FOXP4: variants seen among roughly 807,000 people sequenced by gnomAD.
FOXP4 encodes the protein forkhead box P4.
A neutral mutation model predicts 82.6 loss-of-function variants in FOXP4; 25 were observed. The ratio of observed to expected loss-of-function variants is 0.30; its 90% CI spans 0.22 to 0.42. FOXP4 has a LOEUF of 0.42. FOXP4 is among the 10% of genes least tolerant of loss of function. The pLI is 1.00. For synonymous variants in FOXP4, 415 were observed against 388.2 expected, an observed-to-expected ratio of 1.07 and a Z score of -0.81; for missense variants, 785 against 900.9, an observed-to-expected ratio of 0.87 and a Z score of 1.65.
chr6:41,546,552 TG>T lies in FOXP4; in HGVS notation c.-329del, dbSNP rs1436545944. The T allele has an allele frequency of 6.8e-6, 1 of 147,786 alleles. No individual in the cohort carries two copies. Among genetic ancestry groups the T allele is most frequent in the Non-Finnish European group, 1.5e-5 (1 of 66,146 alleles). 9.2% of individuals were successfully genotyped at this position (147,786 alleles called of 1,614,324 possible). ...GAGGAGCCCGGGCCGGAACCAGGGCTGGGCCGGGGGCGGGGACGCCGGGGTC... is the reference window on the plus strand; with the variant it reads ...GAGGAGCCCGGGCCGGAACCAGGGCTGGCCGGGGGCGGGGACGCCGGGGTC... On this transcript the variant is annotated 5_prime_UTR_variant, in exon 1 of 17. Coordinates refer to ENST00000307972, the MANE Select transcript of FOXP4 (RefSeq NM_001012426.2).
intron 4 of FOXP4, 142 bp downstream of exon 4, chr6:41,585,033 G>A (rs1291526743): frequency 2.4e-6 from 3 of 1,226,860 alleles, no homozygotes; most frequent in Admixed American, 5.8e-5. Context: ...ATTCCTCTAG[G>A]GTAGTGGGGA....
At chr6:41,586,463 G>A (rs960489089) in intron 5 of FOXP4, among the ~76,000 whole-genome samples, 3 of 152,200 alleles carry the variant, frequency 2.0e-5, no homozygotes, top group African/African-American at 7.2e-5. Flanking sequence ...GGGCGCCTGG[G>A]CAGTGGTGAT....
intron 16 of FOXP4, among the ~76,000 whole-genome samples, 159 bp downstream of exon 16, chr6:41,598,109 C>T (rs1281236940): frequency 1.3e-5 from 2 of 151,510 alleles, no homozygotes; most frequent in African/African-American, 2.4e-5. Context: ...CCTCTCAGCC[C>T]TCCCTTGTCC....
chr6:41,552,059 G>A (rs537290468), intron 1 of FOXP4, among the ~76,000 whole-genome samples: 1 of 152,282 alleles, frequency 6.6e-6, no homozygotes, highest in African/African-American at 2.4e-5. Flanking sequence ...GGGCCTCCCC[G>A]TGTGAAATGA....
rs199720815 is a variant in FOXP4 at position 41,584,808 on chromosome 6, A to G, written c.340A>G (p.Thr114Ala). 8.7e-6 allele frequency: 14 copies of G among 1,603,984 alleles called. No homozygotes were observed. In the East Asian group the frequency reaches 2.5e-4, roughly 28 times the overall value. ...SVAMMSPQML[T>A]PQQMQQILSP... ...GGCCATGATGTCGCCGCAGATGCTT[A>G]CCCCGCAACAGATGCAGCAGATCCT... The change falls in exon 4 of 17, where the codon ACC becomes GCC. Residue 114 changes from threonine (T) to alanine (A), a missense_variant. Coordinates refer to ENST00000307972, the MANE Select transcript of FOXP4 (RefSeq NM_001012426.2).
intron 3 of FOXP4, among the ~76,000 whole-genome samples, chr6:41,582,608 G>C (rs1007009710): frequency 6.6e-6 from 1 of 152,182 alleles, no homozygotes; most frequent in African/African-American, 2.4e-5. Context: ...CATGTCTTTG[G>C]ATGGCAAAAC....
At chr6:41,577,293 T>G (rs1765541782) in intron 2 of FOXP4, among the ~76,000 whole-genome samples, 1 of 152,184 alleles carries the variant, frequency 6.6e-6, no homozygotes, top group African/African-American at 2.4e-5. Flanking sequence ...AGCATGCATG[T>G]ACAATCCTTG....
chr6:41,585,285 C>A, intron 4 of FOXP4, 146 bp from the exon 5 acceptor site: 1 of 783,840 alleles, frequency 1.3e-6, no homozygotes. Context: ...AGACCCTGCT[C>A]AGGGCCCCTC....
At position 41,599,495 on chromosome 6, in the gene FOXP4, GC is replaced by G. The variant is rs1351830262; in HGVS notation, c.*564del. The G allele has an allele frequency of 6.5e-6, 1 of 153,388 alleles. No homozygotes were observed. The highest frequency in any genetic ancestry group is 2.4e-5 in the African/African-American group (1 of 41,440). 9.5% of individuals were successfully genotyped at this position (153,388 alleles called of 1,614,324 possible). ...TGTGCCTCCATCCCCAGAAGAAACA[GC>G]CCCCTCTGCTGCTGGGGTGGGACTG... On this transcript the variant is annotated 3_prime_UTR_variant, in exon 17 of 17. Coordinates refer to ENST00000307972, the MANE Select transcript of FOXP4 (RefSeq NM_001012426.2).
intron 5 of FOXP4, among the ~76,000 whole-genome samples, chr6:41,585,956 C>G (rs1390735061): frequency 2.6e-5 from 4 of 152,008 alleles, no homozygotes. Context: ...AGCTTCTTCC[C>G]CTTCTTCTTA....
At position 41,592,689 on chromosome 6, in the gene FOXP4, T is replaced by C. The variant is rs139459017; in HGVS notation, c.1536+1367T>C. ...CTCCTTTTTGGGGGCAAAGTACTGC[T>C]AAGCCACCTACCTTCCTTCCTTCCT... On this transcript the variant is annotated intron_variant, in intron 13 of 16. Transcript: ENST00000307972. Among the ~76,000 whole-genome samples the C allele has an allele frequency of 6.0e-3, 909 of 152,300 alleles. 3 individuals carry two copies. The highest frequency in any genetic ancestry group is 0.011 in the Non-Finnish European group (750 of 68,012).
chr6:41,588,388 C>T (rs545238977), intron 8 of FOXP4, among the ~76,000 whole-genome samples: 170 of 152,330 alleles, frequency 1.1e-3, no homozygotes, highest in African/African-American at 3.9e-3. Flanking sequence ...TTTCACGCTT[C>T]GTCAGAGGTT....
intron 14 of FOXP4, among the ~76,000 whole-genome samples, chr6:41,596,476 A>C (rs1766840243): frequency 6.6e-6 from 1 of 152,154 alleles, no homozygotes; most frequent in Non-Finnish European, 1.5e-5. Context: ...GAATGGAGGG[A>C]AGCCATCCCC....
chr6:41,548,323 A>T (rs1267622572), intron 1 of FOXP4: 1 of 152,202 alleles, frequency 6.6e-6, no homozygotes, highest in African/African-American at 2.4e-5. Context: ...TGAAGTTGCC[A>T]TTCGGGTGAC....
chr6:41,548,719 G>A (rs963686308), intron 1 of FOXP4: 1 of 152,306 alleles, frequency 6.6e-6, no homozygotes, highest in Admixed American at 6.5e-5. Flanking sequence ...TAGGTGCAGG[G>A]GCCGAAGGCC....
At chr6:41,583,735 TAGC>T (rs1765935632) in intron 3 of FOXP4, among the ~76,000 whole-genome samples, 4 of 152,086 alleles carry the variant, frequency 2.6e-5, no homozygotes, top group South Asian at 4.2e-4. Flanking sequence ...CAAGACAAAA[TAGC>T]AGCTGAGACC....
intron 2 of FOXP4, among the ~76,000 whole-genome samples, chr6:41,568,325 G>A (rs1189481465): frequency 6.6e-6 from 1 of 152,148 alleles, no homozygotes; most frequent in Non-Finnish European, 1.5e-5. Context: ...TATTATTCCA[G>A]TTTCACAGAT....
intron 3 of FOXP4, among the ~76,000 whole-genome samples, chr6:41,582,173 G>A (rs1044594194): frequency 6.6e-6 from 1 of 152,230 alleles, no homozygotes; most frequent in Non-Finnish European, 1.5e-5. Flanking sequence ...TGGCGTACAA[G>A]TCACTTTCAC....
At chr6:41,597,124 A>T in intron 14 of FOXP4, 52 bp from the exon 15 acceptor site, 1 of 1,580,432 alleles carries the variant, frequency 6.3e-7, no homozygotes. Flanking sequence ...AGAGATGCGA[A>T]TGAAGAGCTA....
Sources: gnomAD v4.1 joint callset for allele counts (sites outside exome capture counted in the v4.1 genomes callset) on GRCh38, gnomAD v4.1.1 for gene constraint, MANE v1.5 for transcripts, NCBI Gene and HGNC (gene_info 2026-07-23, HGNC 2026-07-21) for gene names.